The following PKIB variants were observed in gnomAD, a reference collection of about 807,000 sequenced individuals.
PKIB encodes PKI-beta.
Under a neutral mutation model 4.5 loss-of-function variants are expected in PKIB, and 2 were observed. That is an observed-to-expected ratio of 0.44 (90% confidence interval 0.18 to 1.39). The LOEUF (loss-of-function observed/expected upper bound fraction) is 1.39. Ranked by LOEUF, PKIB falls within the 40% of genes most tolerant of loss-of-function variation. PKIB has a pLI of 0.27. For synonymous variants in PKIB, 38 were observed against 36.0 expected (o/e 1.06, Z -0.20); for missense variants, 94 against 92.6 (o/e 1.02, Z -0.06).
intron 2 of PKIB, among the ~76,000 whole-genome samples, chr6:122,533,162 A>G (rs1348446890): frequency 7.4e-5 from 8 of 108,460 alleles, no homozygotes; most frequent in African/African-American, 2.7e-4. Flanking sequence ...TTATTTATTT[A>G]TTTATTTATT....
chr6:122,691,862 G>A (rs1181050065), intron 3 of PKIB, among the ~76,000 whole-genome samples: 1 of 152,164 alleles, frequency 6.6e-6, no homozygotes, highest in Non-Finnish European at 1.5e-5. Flanking sequence ...GTATTTGAAA[G>A]GATTTGGGTA....
At chr6:122,717,400 A>G (rs1330221630) in intron 3 of PKIB, among the ~76,000 whole-genome samples, 2 of 152,130 alleles carry the variant, frequency 1.3e-5, no homozygotes, top group African/African-American at 4.8e-5. Context: ...AACAATCACC[A>G]CAAGCAAATA....
At chr6:122,512,463 C>T (rs181150664) in intron 2 of PKIB, among the ~76,000 whole-genome samples, 2 of 152,268 alleles carry the variant, frequency 1.3e-5, no homozygotes, top group East Asian at 3.9e-4. Flanking sequence ...TCTCGCAATA[C>T]TTGGAAATAA....
In PKIB at chr6:122,552,308, G is replaced by A. The variant is rs191539465; in HGVS notation, c.-247-33613G>A. On this transcript the variant is annotated intron_variant, in intron 2 of 6. Transcript: ENST00000392491. ...CTGGCTTTACAGTTCACGCCAGGTA[G>A]CATAACCCAGCGGCCAGCAGCTTCC... Among the ~76,000 whole-genome samples, 292 of 152,196 alleles carry A rather than the reference G, an allele frequency of 1.9e-3. 2 individuals carry two copies. Among genetic ancestry groups the A allele is most frequent in the Admixed American group, 4.8e-3 (73 of 15,280 alleles).
intron 3 of PKIB, among the ~76,000 whole-genome samples, chr6:122,690,414 G>A (rs1229506647): frequency 6.6e-6 from 1 of 151,700 alleles, no homozygotes; most frequent in African/African-American, 2.4e-5. Context: ...TTTGTTGTAT[G>A]TTTTTTGATT....
intron 2 of PKIB, among the ~76,000 whole-genome samples, chr6:122,534,733 T>C (rs1777356408): frequency 1.3e-5 from 2 of 152,114 alleles, no homozygotes; most frequent in South Asian, 2.1e-4. Flanking sequence ...CAAGTGATCC[T>C]CCCACTTCAG....
At chr6:122,665,468 T>C (rs183179299) in intron 2 of PKIB, among the ~76,000 whole-genome samples, 1 of 152,342 alleles carries the variant, frequency 6.6e-6, no homozygotes, top group Admixed American at 6.5e-5. Context: ...AGAAATATTC[T>C]TCTGAATAAG....
chr6:122,690,833 T>C (rs1356954575), intron 3 of PKIB, among the ~76,000 whole-genome samples: 1 of 151,902 alleles, frequency 6.6e-6, no homozygotes, highest in Non-Finnish European at 1.5e-5. Context: ...TTAGTATTTC[T>C]TGTAAGACAG....
At chr6:122,570,422 A>T (rs1001398102) in intron 2 of PKIB, among the ~76,000 whole-genome samples, 1 of 152,214 alleles carries the variant, frequency 6.6e-6, no homozygotes, top group Non-Finnish European at 1.5e-5. Context: ...TCCCCTACTA[A>T]CCTGAAGCCT....
At chr6:122,556,966 C>A (rs557272235) in intron 2 of PKIB, among the ~76,000 whole-genome samples, 1 of 152,308 alleles carries the variant, frequency 6.6e-6, no homozygotes, top group Admixed American at 6.5e-5. Flanking sequence ...GTAATCCCAG[C>A]ACTTTGGGAG....
intron 2 of PKIB, among the ~76,000 whole-genome samples, chr6:122,578,409 C>A (rs1562258435): frequency 6.6e-6 from 1 of 152,060 alleles, no homozygotes; most frequent in Non-Finnish European, 1.5e-5. Context: ...TCTACGTGTT[C>A]AAAATGGAGC....
At chr6:122,526,407 C>T (rs1777093561) in intron 2 of PKIB, among the ~76,000 whole-genome samples, 1 of 151,922 alleles carries the variant, frequency 6.6e-6, no homozygotes, top group South Asian at 2.1e-4. Context: ...GCAGCTATAG[C>T]CTTATAAATG....
chr6:122,626,777 T>C (rs1240707138), intron 1 of PKIB, among the ~76,000 whole-genome samples: 1 of 152,184 alleles, frequency 6.6e-6, no homozygotes, highest in African/African-American at 2.4e-5. Context: ...TCAGTAAATA[T>C]TGTTTTTTAA....
At chr6:122,663,794 A>G (rs1777108729) in intron 2 of PKIB, among the ~76,000 whole-genome samples, 2 of 152,106 alleles carry the variant, frequency 1.3e-5, no homozygotes, top group South Asian at 2.1e-4. Context: ...AAATAACATC[A>G]TATTCACATG....
intron 3 of PKIB, among the ~76,000 whole-genome samples, chr6:122,685,549 A>C (rs1374469712): frequency 2.0e-5 from 3 of 152,040 alleles, no homozygotes; most frequent in Admixed American, 6.5e-5. Context: ...TTGTGGGTAC[A>C]TAGTAGGTGT....
At chr6:122,522,176 A>C (rs1776966211) in intron 2 of PKIB, among the ~76,000 whole-genome samples, 1 of 152,220 alleles carries the variant, frequency 6.6e-6, no homozygotes, top group African/African-American at 2.4e-5. Flanking sequence ...CGAGAAATGC[A>C]CATTAAAATG....
intron 3 of PKIB, among the ~76,000 whole-genome samples, chr6:122,694,139 C>T (rs1272789193): frequency 1.3e-5 from 2 of 152,064 alleles, no homozygotes; most frequent in East Asian, 3.9e-4. Flanking sequence ...TGTGGCTTAC[C>T]CTCACCCCCA....
chr6:122,582,317 G>A (rs1380573465), intron 2 of PKIB, among the ~76,000 whole-genome samples: 2 of 151,916 alleles, frequency 1.3e-5, no homozygotes, highest in Non-Finnish European at 2.9e-5. Context: ...CACAAAAAAA[G>A]CAAGTGAAAT....
chr6:122,620,332 T>G (rs186864923), intron 1 of PKIB, among the ~76,000 whole-genome samples: 5 of 152,324 alleles, frequency 3.3e-5, no homozygotes, highest in Admixed American at 3.3e-4. Context: ...TGGTCGTGTG[T>G]GTTTTTTTGA....
Sources: allele counts gnomAD v4.1 joint callset (sites outside exome capture counted in the v4.1 genomes callset), GRCh38; gene constraint gnomAD v4.1.1; transcripts MANE v1.5; gene names NCBI Gene and HGNC (gene_info 2026-07-23, HGNC 2026-07-21).